ZNRF3: variants seen among roughly 807,000 people sequenced by gnomAD.
The protein encoded by ZNRF3 is E3 ubiquitin-protein ligase ZNRF3.
ZNRF3 carries 23 observed loss-of-function variants against 72.5 expected under a neutral mutation model. That is an observed-to-expected ratio of 0.32 (90% CI 0.23 to 0.45). ZNRF3 has a LOEUF of 0.45. Ranked by LOEUF, ZNRF3 falls within the 20% of genes least tolerant of loss-of-function variation. The probability of loss-of-function intolerance (pLI) is 1.00; values close to 1 mark genes in which losing one functional copy is unlikely to be tolerated. For synonymous variants in ZNRF3, 610 were observed against 545.3 expected, an observed-to-expected ratio of 1.12 and a Z score of -1.65; for missense variants, 1,169 against 1,272.1, an observed-to-expected ratio of 0.92 and a Z score of 1.23.
rs772391406 is a variant in ZNRF3, at chr22:29,053,567, T to C, written c.2768-12T>C. 7 of 1,610,622 alleles carry C rather than the reference T, an allele frequency of 4.3e-6. No homozygotes were observed. Among genetic ancestry groups the C allele is most frequent in the East Asian group, 2.2e-5 (1 of 44,734 alleles). On this transcript the variant is annotated splice_polypyrimidine_tract_variant and intron_variant, in intron 8 of 8. Coordinates refer to ENST00000544604, the MANE Select transcript of ZNRF3 (RefSeq NM_001206998.2). ...GCTCCCTCCCCTGATGATTGTTCTC[T>C]CTCTTTCCCAGGACCGAGATCTCAC...
At chr22:29,034,701 G>T (rs1356756159) in intron 2 of ZNRF3, among the ~76,000 whole-genome samples, 1 of 152,212 alleles carries the variant, frequency 6.6e-6, no homozygotes, top group Non-Finnish European at 1.5e-5. Flanking sequence ...TATGAGGCAA[G>T]TGAAGCCATG....
chr22:28,928,918 G>A (rs372643161), intron 1 of ZNRF3, among the ~76,000 whole-genome samples: 73 of 152,280 alleles, frequency 4.8e-4, no homozygotes, highest in African/African-American at 1.6e-3. Flanking sequence ...GCTAACAAGA[G>A]GCAAAAGACA....
intron 1 of ZNRF3, among the ~76,000 whole-genome samples, chr22:28,952,088 C>T (rs2035173970): frequency 6.6e-6 from 1 of 152,254 alleles, no homozygotes; most frequent in South Asian, 2.1e-4. Flanking sequence ...CAGCTGACCG[C>T]TGGTTTGCAC....
chr22:29,012,940 A>T (rs1569281039), intron 2 of ZNRF3, among the ~76,000 whole-genome samples: 1 of 152,224 alleles, frequency 6.6e-6, no homozygotes, highest in Non-Finnish European at 1.5e-5. Context: ...GCTCCGTCCC[A>T]GGTTAGCTCC....
At chr22:28,946,358 T>C (rs1186103290) in intron 1 of ZNRF3, among the ~76,000 whole-genome samples, 1 of 152,232 alleles carries the variant, frequency 6.6e-6, no homozygotes, top group East Asian at 1.9e-4. Flanking sequence ...GCCCCCTTTT[T>C]TCTTTGTGTG....
At chr22:28,993,415 C>A (rs904816166) in intron 2 of ZNRF3, among the ~76,000 whole-genome samples, 2 of 152,160 alleles carry the variant, frequency 1.3e-5, no homozygotes, top group African/African-American at 2.4e-5. Flanking sequence ...GTTTTTAATC[C>A]TGGCTCTTCT....
intron 1 of ZNRF3, among the ~76,000 whole-genome samples, chr22:28,887,408 CAGAGAG>C: frequency 6.7e-6 from 1 of 150,032 alleles, no homozygotes; most frequent in Non-Finnish European, 1.5e-5. Flanking sequence ...TTGTCAGTGT[CAGAGAG>C]AGAGAGAGAG....
At chr22:29,012,649 C>G (rs1283342666) in intron 2 of ZNRF3, among the ~76,000 whole-genome samples, 4 of 152,172 alleles carry the variant, frequency 2.6e-5, no homozygotes, top group Non-Finnish European at 4.4e-5. Flanking sequence ...AGGAAGGGCC[C>G]CCATCGAGGG....
chr22:28,986,969 T>A (rs559626548), intron 1 of ZNRF3, 107 bp from the exon 2 acceptor site: 1 of 1,461,696 alleles, frequency 6.8e-7, no homozygotes, highest in African/African-American at 1.4e-5. Context: ...TCTTAAAATT[T>A]TAAGTTTTGA....
chr22:28,991,338 G>A (rs1194214322), intron 2 of ZNRF3, among the ~76,000 whole-genome samples: 1 of 146,002 alleles, frequency 6.8e-6, no homozygotes, highest in Non-Finnish European at 1.5e-5. Flanking sequence ...AATAGGCATG[G>A]CCTTAGCTCT....
chr22:29,049,155 A>G lies in ZNRF3; in HGVS notation c.1016-42A>G. Reference sequence around the variant, plus strand: ...AATCCCTTTAGCCTCTGACACCAGTATGCTCAGCCCTGCCTACTCTGTTTC... The same window carrying G: ...AATCCCTTTAGCCTCTGACACCAGTGTGCTCAGCCCTGCCTACTCTGTTTC... On this transcript the variant is annotated intron_variant, in intron 7 of 8. Transcript: ENST00000544604. This position sits in a 1 kb window ranked among gnomAD's most constrained non-coding sequence, Gnocchi z 5.2. 1 of 1,535,020 alleles carries G rather than the reference A, an allele frequency of 6.5e-7. No homozygotes were observed. The highest frequency in any genetic ancestry group is 8.8e-7 in the Non-Finnish European group (1 of 1,139,212).
intron 1 of ZNRF3, among the ~76,000 whole-genome samples, chr22:28,946,828 G>A (rs1440334472): frequency 6.6e-6 from 1 of 152,178 alleles, no homozygotes; most frequent in Non-Finnish European, 1.5e-5. Context: ...GGTCTCTGTT[G>A]AGGAGTACTT....
chr22:28,890,800 C>G (rs1327248340), intron 1 of ZNRF3, among the ~76,000 whole-genome samples: 1 of 151,848 alleles, frequency 6.6e-6, no homozygotes, highest in Non-Finnish European at 1.5e-5. Context: ...CCATGTTGCC[C>G]AGGCTAGAGC....
intron 1 of ZNRF3, among the ~76,000 whole-genome samples, chr22:28,923,937 G>A (rs1374521630): frequency 6.6e-6 from 1 of 152,242 alleles, no homozygotes; most frequent in Non-Finnish European, 1.5e-5. Context: ...GCTTTGCGCT[G>A]GCCGGGCAAT....
chr22:28,923,275 A>G (rs976601468), intron 1 of ZNRF3, among the ~76,000 whole-genome samples: 1 of 152,034 alleles, frequency 6.6e-6, no homozygotes, highest in Non-Finnish European at 1.5e-5. Context: ...AAAACTGGTG[A>G]AGATCCCCTG....
intron 1 of ZNRF3, among the ~76,000 whole-genome samples, chr22:28,976,473 G>T (rs1321838896): frequency 1.3e-5 from 2 of 152,104 alleles, no homozygotes; most frequent in East Asian, 3.9e-4. Flanking sequence ...GCCTCTACAC[G>T]CCAGCCTGGG....
chr22:28,957,245 A>G (rs894704795), intron 1 of ZNRF3, among the ~76,000 whole-genome samples: 3 of 152,178 alleles, frequency 2.0e-5, no homozygotes, highest in Non-Finnish European at 2.9e-5. Flanking sequence ...TGAGACTCAT[A>G]GTTACAAAAT....
At chr22:28,978,250 G>C (rs1262014299) in intron 1 of ZNRF3, among the ~76,000 whole-genome samples, 2 of 152,234 alleles carry the variant, frequency 1.3e-5, no homozygotes, top group African/African-American at 4.8e-5. Context: ...GTATCTGGGA[G>C]AAAATTGGAG....
At chr22:29,043,466 C>CA in intron 4 of ZNRF3, 36 bp downstream of exon 4, 1 of 1,609,164 alleles carries the variant, frequency 6.2e-7, no homozygotes, top group Non-Finnish European at 8.5e-7. Context: ...GGCTCGGGGC[C>CA]TTCTCTGCTA....
Sources: gnomAD v4.1 joint callset for allele counts (sites outside exome capture counted in the v4.1 genomes callset) on GRCh38, gnomAD v4.1.1 for gene constraint, Gnocchi (gnomAD v3.1) non-coding constraint, MANE v1.5 for transcripts, NCBI Gene and HGNC (gene_info 2026-07-23, HGNC 2026-07-21) for gene names.